ZNF705G: variants seen among roughly 807,000 people sequenced by gnomAD.
ZNF705G encodes putative zinc finger protein 705G.
ZNF705G carries 23 observed loss-of-function variants against 19.6 expected under a neutral mutation model. The observed-to-expected ratio is 1.17, with a 90% CI of 0.84 to 1.66. The LOEUF is 1.66. Ranked by LOEUF, ZNF705G falls within the 40% of genes most tolerant of loss-of-function variation. The probability of loss-of-function intolerance (pLI) is 0.00; values close to 1 mark genes in which losing one functional copy is unlikely to be tolerated. For synonymous variants in ZNF705G, 146 were observed against 117.7 expected (o/e 1.24, Z -1.56); for missense variants, 457 against 354.4 (o/e 1.29, Z -2.32).
intron 2 of ZNF705G, among the ~76,000 whole-genome samples, chr8:7,367,950 A>T (rs2128840739): frequency 6.7e-6 from 1 of 149,826 alleles, no homozygotes; most frequent in Middle Eastern, 3.4e-3. Context: ...CACCAAAAAT[A>T]AAAAGTTGGA....
chr8:7,361,513 C>A (rs1235432947), intron 3 of ZNF705G, among the ~76,000 whole-genome samples: 1 of 149,592 alleles, frequency 6.7e-6, no homozygotes, highest in African/African-American at 2.6e-5. Flanking sequence ...TTAATCACCT[C>A]TACATAACTG....
At chr8:7,368,382 C>T (rs1337488085) in intron 2 of ZNF705G, among the ~76,000 whole-genome samples, 1 of 149,494 alleles carries the variant, frequency 6.7e-6, no homozygotes, top group Non-Finnish European at 1.5e-5. Flanking sequence ...AACAAGAAAC[C>T]AGACAAACTA....
intron 2 of ZNF705G, among the ~76,000 whole-genome samples, chr8:7,379,038 T>C (rs1807368874): frequency 6.6e-6 from 1 of 150,546 alleles, no homozygotes; most frequent in Admixed American, 6.6e-5. Context: ...GTGAAGAGAT[T>C]CTCATTCATA....
chr8:7,368,298 T>G (rs1248287284), intron 2 of ZNF705G, among the ~76,000 whole-genome samples: 1 of 149,392 alleles, frequency 6.7e-6, no homozygotes, highest in African/African-American at 2.6e-5. Context: ...ATATGAACAT[T>G]AATTCCTTTT....
At chr8:7,384,307 T>C (rs1334415902) in intron 1 of ZNF705G, among the ~76,000 whole-genome samples, 2 of 145,022 alleles carry the variant, frequency 1.4e-5, no homozygotes, top group East Asian at 1.9e-4. Flanking sequence ...AAAAAAAAAA[T>C]CTTAGGAGGA....
rs1253317166 is a variant in ZNF705G at position 7,363,272 on chromosome 8, A to T, written c.-71-255T>A. ...TCAAAAGCACGGAGTTTTGTATGTT[A>T]ATTGGCACAAGTCCAGATATTCAAT... On this transcript the variant is annotated intron_variant, in intron 2 of 6. Transcript: ENST00000400156. Among the ~76,000 whole-genome samples the T allele has an allele frequency of 3.2e-4, 48 of 148,358 alleles. 1 individual carries two copies. Among genetic ancestry groups the T allele is most frequent in the African/African-American group, 1.3e-3 (48 of 37,816 alleles).
intron 2 of ZNF705G, among the ~76,000 whole-genome samples, chr8:7,364,837 T>G (rs1191014309): frequency 1.3e-5 from 2 of 149,602 alleles, no homozygotes; most frequent in African/African-American, 2.6e-5. Context: ...TGACAGTACA[T>G]GTATTATGTA....
At position 7,357,989 on chromosome 8, in the gene ZNF705G, G is replaced by T; in HGVS notation, c.890C>A (p.Ser297Tyr). 1 of 1,609,232 alleles carries T rather than the reference G, an allele frequency of 6.2e-7. No individual in the cohort carries two copies. The highest frequency in any genetic ancestry group is 8.5e-7 in the Non-Finnish European group (1 of 1,179,792). Reference protein sequence around the residue: ...LLCGKAFSLSSNLR With the variant: ...LLCGKAFSLSYNLR ...TGTTCTCTCATGTCATCTAAGGTTGGAAGACAGACTGAAGGCCTTCCCACA... is the reference window on the plus strand; with the variant it reads ...TGTTCTCTCATGTCATCTAAGGTTGTAAGACAGACTGAAGGCCTTCCCACA... Residue 297 changes from serine to tyrosine, a missense_variant, in exon 7 of 7, where the codon TCC (serine) becomes TAC (tyrosine). Coordinates refer to ENST00000400156, the MANE Select transcript of ZNF705G (RefSeq NM_001164457.3).
chr8:7,383,048 C>T (rs1487751663), intron 1 of ZNF705G, among the ~76,000 whole-genome samples: 1 of 148,294 alleles, frequency 6.7e-6, no homozygotes, highest in Non-Finnish European at 1.5e-5. Context: ...GAAAACCACC[C>T]ATTTTAGAAG....
intron 2 of ZNF705G, among the ~76,000 whole-genome samples, chr8:7,366,784 A>G (rs1192021798): frequency 2.0e-5 from 3 of 149,636 alleles, no homozygotes; most frequent in Non-Finnish European, 4.4e-5. Flanking sequence ...TTAACTATAA[A>G]CCACACAAAT....
chr8:7,355,825 G>A lies in ZNF705G; in HGVS notation c.*2151C>T, dbSNP rs530493823. 4 of 149,606 alleles carry A rather than the reference G, an allele frequency of 2.7e-5. No individual in the cohort carries two copies. Among genetic ancestry groups the A allele is most frequent in the Admixed American group, 2.0e-4 (3 of 15,234 alleles). 9.3% of individuals were successfully genotyped at this position (149,606 alleles called of 1,614,324 possible). ...ATAAATAATGATATGAGCTCTGCCT[G>A]GACACAGTCCTTGCCTCTCCAACCA... On this transcript the variant is annotated 3_prime_UTR_variant, in exon 7 of 7. Coordinates refer to ENST00000400156, the MANE Select transcript of ZNF705G (RefSeq NM_001164457.3).
At chr8:7,369,228 T>G (rs1208870364) in intron 2 of ZNF705G, among the ~76,000 whole-genome samples, 2 of 149,402 alleles carry the variant, frequency 1.3e-5, no homozygotes, top group Non-Finnish European at 2.9e-5. Flanking sequence ...AGGTGAGATT[T>G]GGGTGGGGAC....
intron 2 of ZNF705G, among the ~76,000 whole-genome samples, chr8:7,366,342 C>T (rs1341762731): frequency 8.7e-5 from 13 of 149,206 alleles, no homozygotes; most frequent in Admixed American, 8.5e-4. Context: ...AGCACCATGC[C>T]CTGAAACAAA....
At chr8:7,374,813 T>C (rs946935843) in intron 2 of ZNF705G, among the ~76,000 whole-genome samples, 1 of 84,820 alleles carries the variant, frequency 1.2e-5, no homozygotes, top group African/African-American at 5.6e-5. Flanking sequence ...GGTAGGTGAC[T>C]AGACAAGACA....
rs1807501069 is a variant in ZNF705G at position 7,381,619 on chromosome 8, T to G, written c.-221-18A>C. The G allele has an allele frequency of 1.4e-5, 2 of 146,098 alleles. No homozygotes were observed. The highest frequency in any genetic ancestry group is 3.0e-5 in the Non-Finnish European group (2 of 67,760). 9.1% of individuals were successfully genotyped at this position (146,098 alleles called of 1,614,324 possible). On this transcript the variant is annotated intron_variant, in intron 1 of 6. Transcript: ENST00000400156. Reference sequence around the variant, plus strand: ...CAAGTGATCTGGGAATGAGTTTGAATTCAGCTGGGAAACTAACACAGGAAT... The same window carrying G: ...CAAGTGATCTGGGAATGAGTTTGAAGTCAGCTGGGAAACTAACACAGGAAT...
chr8:7,376,027 G>T lies in ZNF705G; in HGVS notation c.-72+5425C>A, dbSNP rs1807230255. Among the ~76,000 whole-genome samples the T allele has an allele frequency of 2.2e-5, 2 of 91,358 alleles. 1 individual carries two copies. Among genetic ancestry groups the T allele is most frequent in the Admixed American group, 2.5e-4 (2 of 7,966 alleles). The allele number at this position is 91,358 out of a possible 152,430, so 59.9% of individuals were successfully genotyped here. On this transcript the variant is annotated intron_variant, in intron 2 of 6. Coordinates refer to ENST00000400156, the MANE Select transcript of ZNF705G (RefSeq NM_001164457.3). The stretch of plus-strand genomic sequence containing the variant: ...AAGGGCCAATTTTAGCACAAGGCCA[G>T]TGGGCTTGGGTACTACTATATGTAG...
At chr8:7,384,027 C>G (rs1157806242) in intron 1 of ZNF705G, among the ~76,000 whole-genome samples, 2 of 136,906 alleles carry the variant, frequency 1.5e-5, no homozygotes, top group Non-Finnish European at 3.0e-5. Context: ...GTTGAGAAGC[C>G]AAAAGGTAGA....
chr8:7,385,417 C>T (rs1192972744), intron 1 of ZNF705G, 81 bp downstream of exon 1: 1 of 148,944 alleles, frequency 6.7e-6, no homozygotes, highest in Non-Finnish European at 1.5e-5. Flanking sequence ...TTCCTGTCTC[C>T]TACACTTACA....
Position 7,357,875 on chromosome 8 carries a change from G to C in ZNF705G, c.*101C>G, listed in dbSNP as rs965506566. 1.3e-6 allele frequency: 2 copies of C among 1,546,460 alleles called. No individual in the cohort carries two copies. Among genetic ancestry groups the C allele is most frequent in the Non-Finnish European group, 1.7e-6 (2 of 1,151,506 alleles). On this transcript the variant is annotated 3_prime_UTR_variant, in exon 7 of 7. Coordinates refer to ENST00000400156, the MANE Select transcript of ZNF705G (RefSeq NM_001164457.3). Reference sequence around the variant, plus strand: ...GAAGAAGTTTATAATTTTCTCTCCAGGGTGAATTTTCTGATGCTCTTTAAG... The same window carrying C: ...GAAGAAGTTTATAATTTTCTCTCCACGGTGAATTTTCTGATGCTCTTTAAG...
Sources: gnomAD v4.1 joint callset for allele counts (sites outside exome capture counted in the v4.1 genomes callset) on GRCh38, gnomAD v4.1.1 for gene constraint, MANE v1.5 for transcripts, NCBI Gene and HGNC (gene_info 2026-07-23, HGNC 2026-07-21) for gene names.